Variants in ANKIB1 observed in about 807,000 individuals in gnomAD.
ANKIB1 encodes the protein ankyrin repeat and IBR domain-containing protein 1.
In ANKIB1, 43 loss-of-function variants were observed where a neutral mutation model predicts 122.1. The observed-to-expected ratio is 0.35, with a 90% CI of 0.28 to 0.45. ANKIB1 has a LOEUF of 0.45. Among genes scored for constraint, ANKIB1 ranks in the 20% least tolerant of loss-of-function variants. ANKIB1 has a pLI of 1.00. For synonymous variants in ANKIB1, 390 were observed against 442.0 expected, an observed-to-expected ratio of 0.88 and a Z score of 1.48; for missense variants, 992 against 1,329.5, an observed-to-expected ratio of 0.75 and a Z score of 3.95.
At chr7:92,285,405 A>G (rs1429044441) in intron 1 of ANKIB1, among the ~76,000 whole-genome samples, 1 of 152,208 alleles carries the variant, frequency 6.6e-6, no homozygotes, top group African/African-American at 2.4e-5. Flanking sequence ...TTCATATAGA[A>G]AAGTATAAGG....
intron 5 of ANKIB1, among the ~76,000 whole-genome samples, chr7:92,332,926 A>C (rs1803200283): frequency 6.6e-6 from 1 of 152,190 alleles, no homozygotes; most frequent in South Asian, 2.1e-4. Context: ...AACTAAGATC[A>C]TGTTCTTGGA....
intron 9 of ANKIB1, among the ~76,000 whole-genome samples, chr7:92,357,076 GT>G (rs1237776651): frequency 6.6e-6 from 1 of 152,150 alleles, no homozygotes; most frequent in African/African-American, 2.4e-5. Flanking sequence ...TCAGTGGAAG[GT>G]TTTTTCCTTT....
chr7:92,398,990 T>C lies in ANKIB1; in HGVS notation c.*41T>C, dbSNP rs1255213909. On this transcript the variant is annotated 3_prime_UTR_variant, in exon 20 of 20. Transcript: ENST00000265742. ...GCTCTAAATGAATTACAGGTACAGA[T>C]GGTATGCTAGGTGGAGTATGCTTGA... 1 of 1,507,966 alleles carries C rather than the reference T, an allele frequency of 6.6e-7. No individual in the cohort carries two copies. The highest frequency in any genetic ancestry group is 8.9e-7 in the Non-Finnish European group (1 of 1,128,914). The allele number at this position is 1,507,966 out of a possible 1,614,324, so 93.4% of individuals were successfully genotyped here. A position where few individuals can be genotyped will look rare whatever the true frequency, so the allele number is the denominator to read the frequency against.
At chr7:92,294,642 C>T (rs902689274) in intron 1 of ANKIB1, 5 of 372,800 alleles carry the variant, frequency 1.3e-5, no homozygotes, top group Admixed American at 9.0e-5. Flanking sequence ...TTTTGTAATC[C>T]GAAGGACTGC....
At chr7:92,273,441 G>A (rs1801838762) in intron 1 of ANKIB1, among the ~76,000 whole-genome samples, 1 of 152,156 alleles carries the variant, frequency 6.6e-6, no homozygotes, top group Non-Finnish European at 1.5e-5. Context: ...TTATTACTAT[G>A]AGTTTCATTT....
At chr7:92,253,373 T>A (rs1801370126) in intron 1 of ANKIB1, among the ~76,000 whole-genome samples, 1 of 152,232 alleles carries the variant, frequency 6.6e-6, no homozygotes, top group Non-Finnish European at 1.5e-5. Flanking sequence ...AGGGGCCTGC[T>A]GGCTTTTGCC....
chr7:92,269,432 C>T (rs1801737982), intron 1 of ANKIB1, among the ~76,000 whole-genome samples: 1 of 152,084 alleles, frequency 6.6e-6, no homozygotes, highest in Non-Finnish European at 1.5e-5. Flanking sequence ...GGAAGTAGAC[C>T]CACTAGGAAA....
At position 92,339,719 on chromosome 7, in the gene ANKIB1, A is replaced by G. The variant is rs947152235; in HGVS notation, c.788-3305A>G. ...ACAGTTCTTTTAATTTTCTCTCTAC[A>G]TATAGCTGTATCTTATTTTCAATTT... On this transcript the variant is annotated intron_variant, in intron 5 of 19. Transcript: ENST00000265742. 1.2e-4 allele frequency among the ~76,000 whole-genome samples: 18 copies of G among 152,260 alleles called. 1 individual carries two copies. The highest frequency in any genetic ancestry group is 3.8e-4 in the African/African-American group (16 of 41,566).
intron 1 of ANKIB1, among the ~76,000 whole-genome samples, chr7:92,285,170 C>T (rs549754975): frequency 3.9e-5 from 6 of 152,120 alleles, no homozygotes; most frequent in Non-Finnish European, 8.8e-5. Flanking sequence ...CGGGTTCAAG[C>T]GATTTCCCGC....
chr7:92,352,601 A>C lies in ANKIB1; in HGVS notation c.1356A>C (p.Arg452Ser). The C allele has an allele frequency of 6.2e-7, 1 of 1,612,974 alleles. No homozygotes were observed. The highest frequency in any genetic ancestry group is 1.3e-5 in the African/African-American group (1 of 75,014). Residue 452 changes from arginine (R) to serine (S), a missense_variant, in exon 9 of 20, where the codon AGA (arginine) becomes AGC (serine). Coordinates refer to ENST00000265742, the MANE Select transcript of ANKIB1 (RefSeq NM_019004.2). The part of the protein sequence containing the change: ...GSDTLSFPLL[R>S]APAVDCGKGH... ...ATACACTCAGCTTCCCATTGCTGAG[A>C]GCTCCTGCTGTTGATTGTGGAAAAG...
At chr7:92,332,755 C>T (rs1392175902) in intron 5 of ANKIB1, among the ~76,000 whole-genome samples, 2 of 152,162 alleles carry the variant, frequency 1.3e-5, no homozygotes, top group Non-Finnish European at 2.9e-5. Context: ...CTGTTCTCTT[C>T]CTGGGAAATG....
rs374749983 is a variant in ANKIB1, at chr7:92,349,352, T to C, written c.1086-1598T>C. Among the ~76,000 whole-genome samples, 4 of 152,280 alleles carry C rather than the reference T, an allele frequency of 2.6e-5. 1 individual carries two copies. On this transcript the variant is annotated intron_variant, in intron 7 of 19. Transcript: ENST00000265742. ...TGACTGTTGGGGATTCTCTTTTCTA[T>C]GAATTGCCCAGACGAGGATATGAAA...
chr7:92,341,790 C>T (rs1562787280), intron 5 of ANKIB1, among the ~76,000 whole-genome samples: 1 of 152,150 alleles, frequency 6.6e-6, no homozygotes, highest in African/African-American at 2.4e-5. Context: ...AATATGCATT[C>T]AGTAGAAACC....
chr7:92,285,993 T>C (rs558094937), intron 1 of ANKIB1, among the ~76,000 whole-genome samples: 3 of 152,300 alleles, frequency 2.0e-5, no homozygotes, highest in Admixed American at 6.5e-5. Flanking sequence ...TAGGAAACAA[T>C]TGGAGGTTTT....
rs1802583123 is a variant in ANKIB1 at position 92,307,386 on chromosome 7, A to G, written c.216A>G (p.Pro72=). The change falls in exon 3 of 20, where the codon CCA becomes CCG. Residue 72 remains proline, a synonymous_variant. Coordinates refer to ENST00000265742, the MANE Select transcript of ANKIB1 (RefSeq NM_019004.2). ...LGTFLGRDGN[P]NKRNVHNETS... Reference sequence around the variant, plus strand: ...CTTTTCTTGGTAGAGATGGAAATCCAAATAAACGGAATGTGCACAATGAAA... The same window carrying G: ...CTTTTCTTGGTAGAGATGGAAATCCGAATAAACGGAATGTGCACAATGAAA... The G allele has an allele frequency of 6.2e-7, 1 of 1,612,204 alleles. No homozygotes were observed. The highest frequency in any genetic ancestry group is 2.2e-5 in the East Asian group (1 of 44,840).
chr7:92,352,728 A>C, intron 9 of ANKIB1, 86 bp downstream of exon 9: 1 of 1,314,086 alleles, frequency 7.6e-7, no homozygotes, highest in East Asian at 2.4e-5. Flanking sequence ...CAGGCCTTTA[A>C]ATTGTAGTAT....
chr7:92,248,888 CTTT>C (rs778549860), intron 1 of ANKIB1, among the ~76,000 whole-genome samples: 1 of 123,032 alleles, frequency 8.1e-6, no homozygotes, highest in Non-Finnish European at 1.7e-5. Flanking sequence ...TCTTTTCTTT[CTTT>C]TTTTTTTTTT....
intron 5 of ANKIB1, among the ~76,000 whole-genome samples, chr7:92,330,074 T>C (rs999355107): frequency 3.3e-5 from 5 of 152,214 alleles, no homozygotes; most frequent in African/African-American, 4.8e-5. Context: ...CCCATTTCTT[T>C]CCCTTTACCA....
chr7:92,314,907 G>C (rs560984536), intron 3 of ANKIB1, among the ~76,000 whole-genome samples: 3 of 152,114 alleles, frequency 2.0e-5, no homozygotes, highest in Admixed American at 6.5e-5. Context: ...CTGGGTTTGT[G>C]TGGTGGTACT....
Sources: gnomAD v4.1 joint callset for allele counts (sites outside exome capture counted in the v4.1 genomes callset) on GRCh38, gnomAD v4.1.1 for gene constraint, MANE v1.5 for transcripts, NCBI Gene and HGNC (gene_info 2026-07-23, HGNC 2026-07-21) for gene names.